Variants in SUMF1 observed in about 807,000 individuals in gnomAD.
SUMF1 encodes formylglycine-generating enzyme.
Under a neutral mutation model 47.6 loss-of-function variants are expected in SUMF1, and 48 were observed. The ratio of observed to expected loss-of-function variants is 1.01; its 90% CI spans 0.80 to 1.28. The LOEUF (loss-of-function observed/expected upper bound fraction) is 1.28, where lower values mean the gene tolerates loss of function less well. Ranked by LOEUF, SUMF1 falls within the 50% of genes most tolerant of loss-of-function variation. SUMF1 has a pLI of 0.00. For synonymous variants in SUMF1, 230 were observed against 192.1 expected (o/e 1.20, Z -1.63); for missense variants, 571 against 485.4 (o/e 1.18, Z -1.66).
intron 6 of SUMF1, among the ~76,000 whole-genome samples, chr3:4,415,188 C>T (rs1701670464): frequency 7.0e-6 from 1 of 142,242 alleles, no homozygotes; most frequent in Admixed American, 7.3e-5. Context: ...GATCACGCCA[C>T]TGCACTCCAG....
chr3:4,046,756 A>G (rs1000207684), intron 9 of SUMF1, among the ~76,000 whole-genome samples: 42 of 152,172 alleles, frequency 2.8e-4, no homozygotes, highest in Admixed American at 2.4e-3. Context: ...TCCTACCTGG[A>G]ATTTAAACTC....
intron 8 of SUMF1, among the ~76,000 whole-genome samples, chr3:4,131,660 CATG>C (rs1693792478): frequency 6.6e-6 from 1 of 152,098 alleles, no homozygotes; most frequent in Admixed American, 6.6e-5. Context: ...TTGGAAGAAA[CATG>C]ATTGGAAAAT....
At chr3:4,268,226 G>C (rs1697236384) in intron 8 of SUMF1, among the ~76,000 whole-genome samples, 1 of 151,970 alleles carries the variant, frequency 6.6e-6, no homozygotes, top group South Asian at 2.1e-4. Flanking sequence ...TCACACTCTG[G>C]GGACTGTTGT....
chr3:4,387,617 T>C (rs894088679), intron 7 of SUMF1, among the ~76,000 whole-genome samples: 3 of 152,006 alleles, frequency 2.0e-5, no homozygotes, highest in African/African-American at 7.2e-5. Context: ...TTCCTTACTT[T>C]TGCTTGCTTT....
At chr3:4,246,575 T>C (rs1696675685) in intron 8 of SUMF1, among the ~76,000 whole-genome samples, 1 of 152,044 alleles carries the variant, frequency 6.6e-6, no homozygotes, top group South Asian at 2.1e-4. Context: ...CTAATTATTG[T>C]ATTTTTAGTA....
chr3:4,174,197 A>G, intron 8 of SUMF1, among the ~76,000 whole-genome samples: 1 of 151,798 alleles, frequency 6.6e-6, no homozygotes. Flanking sequence ...TCTACTAAAA[A>G]TACAAAAAAT....
chr3:4,432,160 T>G (rs530354210), intron 3 of SUMF1, among the ~76,000 whole-genome samples: 1 of 151,858 alleles, frequency 6.6e-6, no homozygotes, highest in African/African-American at 2.4e-5. Flanking sequence ...AGTCTTTAGG[T>G]TCAGTAATTT....
intron 8 of SUMF1, among the ~76,000 whole-genome samples, chr3:4,256,378 T>A: frequency 9.1e-6 from 1 of 109,856 alleles, no homozygotes; most frequent in Admixed American, 8.5e-5. Context: ...GCAAGACTGA[T>A]AAAGAAAAAA....
chr3:4,112,718 A>G (rs1363344288), intron 8 of SUMF1, among the ~76,000 whole-genome samples: 2 of 152,130 alleles, frequency 1.3e-5, no homozygotes, highest in East Asian at 1.9e-4. Flanking sequence ...TATAATCAGC[A>G]TAAGTGGAAA....
chr3:4,201,941 T>A (rs968858118), intron 8 of SUMF1, among the ~76,000 whole-genome samples: 24 of 152,180 alleles, frequency 1.6e-4, no homozygotes, highest in South Asian at 2.1e-4. Context: ...CCCATTTTTT[T>A]AATCTGATTA....
chr3:4,246,152 A>T (rs568947840), intron 8 of SUMF1, among the ~76,000 whole-genome samples: 6 of 152,278 alleles, frequency 3.9e-5, no homozygotes, highest in Non-Finnish European at 7.4e-5. Context: ...CCGTTCCCCC[A>T]GTTACAGTCA....
At chr3:4,314,121 G>T in intron 8 of SUMF1, 1 of 303,316 alleles carries the variant, frequency 3.3e-6, no homozygotes, top group Non-Finnish European at 6.1e-6. Context: ...CTAGACCCCA[G>T]GATGACCCTG....
At chr3:4,260,263 C>A (rs777859207) in intron 8 of SUMF1, among the ~76,000 whole-genome samples, 6 of 143,786 alleles carry the variant, frequency 4.2e-5, no homozygotes, top group Non-Finnish European at 6.2e-5. Context: ...TACAAATATC[C>A]GTTCTATAAA....
At chr3:4,094,768 A>T (rs9847753) in intron 8 of SUMF1, among the ~76,000 whole-genome samples, 58 of 152,238 alleles carry the variant, frequency 3.8e-4, no homozygotes, top group African/African-American at 1.4e-3. Context: ...TAATACTTAT[A>T]GTTAGGGAAG....
chr3:4,210,506 A>G (rs920201921), intron 8 of SUMF1, among the ~76,000 whole-genome samples: 1 of 152,180 alleles, frequency 6.6e-6, no homozygotes, highest in Non-Finnish European at 1.5e-5. Context: ...ACTGAAGTTC[A>G]AAGGGGAAAG....
At chr3:4,291,149 C>T (rs1697734902) in intron 8 of SUMF1, among the ~76,000 whole-genome samples, 1 of 152,140 alleles carries the variant, frequency 6.6e-6, no homozygotes, top group Admixed American at 6.5e-5. Flanking sequence ...ATAACTCTAT[C>T]ATGGTGCACT....
At chr3:4,080,585 T>G (rs2648481) in intron 8 of SUMF1, among the ~76,000 whole-genome samples, 1 of 152,062 alleles carries the variant, frequency 6.6e-6, no homozygotes, top group South Asian at 2.1e-4. Flanking sequence ...TAGCTGCTAA[T>G]TAAGCATCCA....
chr3:4,258,479 A>C lies in SUMF1; in HGVS notation c.1014+117851T>G, dbSNP rs1293098836. On this transcript the variant is annotated intron_variant and NMD_transcript_variant, in intron 8 of 12. Transcript: ENST00000448413. ...ACATGAGCAGACACTTCTCAAAAGA[A>C]GACATTTATGCAGCCAAAAAACACA... is the stretch of plus-strand genomic sequence containing the variant. 5.5e-5 allele frequency among the ~76,000 whole-genome samples: 8 copies of C among 144,842 alleles called. No homozygotes were observed. The East Asian group carries it at 1.6e-3, about 28-fold the overall frequency.
intron 8 of SUMF1, among the ~76,000 whole-genome samples, chr3:4,371,968 C>T (rs545791871): frequency 6.6e-6 from 1 of 152,274 alleles, no homozygotes; most frequent in South Asian, 2.1e-4. Flanking sequence ...TGAAGCTATA[C>T]TTTGGATAGA....
Sources: gnomAD v4.1 joint callset for allele counts (sites outside exome capture counted in the v4.1 genomes callset) on GRCh38, gnomAD v4.1.1 for gene constraint, MANE v1.5 for transcripts, NCBI Gene and HGNC (gene_info 2026-07-23, HGNC 2026-07-21) for gene names.